C2CD5: variants seen among roughly 807,000 people sequenced by gnomAD.
The protein encoded by C2CD5 is C2 domain-containing protein 5.
A neutral mutation model predicts 130.3 loss-of-function variants in C2CD5; 109 were observed. That is an observed-to-expected ratio of 0.84 (90% CI 0.72 to 0.98). The LOEUF (loss-of-function observed/expected upper bound fraction) is 0.98, where lower values mean the gene tolerates loss of function less well. C2CD5 is among the 50% of genes least tolerant of loss of function. C2CD5 has a pLI of 0.00. For missense variants in C2CD5, 996 were observed against 1,261.8 expected (o/e 0.79, Z 3.19); for synonymous variants, 454 against 429.2 (o/e 1.06, Z -0.71).
intron 10 of C2CD5, among the ~76,000 whole-genome samples, chr12:22,497,163 G>A (rs1947123422): frequency 6.6e-6 from 1 of 152,090 alleles, no homozygotes; most frequent in African/African-American, 2.4e-5. Flanking sequence ...CTCTGGGAGA[G>A]AATAACTCTG....
chr12:22,505,254 C>CTTTTT (rs371726014), intron 10 of C2CD5, among the ~76,000 whole-genome samples: 62 of 106,312 alleles, frequency 5.8e-4, no homozygotes, highest in East Asian at 7.8e-4. Flanking sequence ...TTCTTTCTTT[C>CTTTTT]TTTTTTTTTT....
chr12:22,530,440 T>C (rs987645242), intron 3 of C2CD5, among the ~76,000 whole-genome samples: 1 of 151,378 alleles, frequency 6.6e-6, no homozygotes, highest in Admixed American at 6.6e-5. Context: ...GGAAGACTAG[T>C]CAAAACAGTA....
chr12:22,459,422 A>G (rs899552021), intron 23 of C2CD5, 70 bp downstream of exon 23: 14 of 1,002,352 alleles, frequency 1.4e-5, no homozygotes, highest in African/African-American at 9.6e-5. Context: ...TTCAATGTCT[A>G]TAATTTTATG....
At chr12:22,482,886 T>C (rs939036198) in intron 13 of C2CD5, 143 bp from the exon 14 acceptor site, 4 of 642,160 alleles carry the variant, frequency 6.2e-6, no homozygotes, top group Admixed American at 3.0e-5. Context: ...TAATCTGTTC[T>C]GCTTTTTGTC....
intron 12 of C2CD5, among the ~76,000 whole-genome samples, chr12:22,485,913 A>ATT (rs34893837): frequency 7.3e-5 from 11 of 151,450 alleles, no homozygotes; most frequent in Admixed American, 6.6e-4. Context: ...CATTCTCCAA[A>ATT]TTTTTTTTTG....
intron 19 of C2CD5, 136 bp downstream of exon 19, chr12:22,471,831 G>A: frequency 5.0e-6 from 3 of 596,364 alleles, no homozygotes; most frequent in Non-Finnish European, 9.0e-6. Context: ...CTCACCCGCT[G>A]ATAGAGGTAA....
intron 12 of C2CD5, 70 bp downstream of exon 12, chr12:22,490,053 A>G (rs1946142141): frequency 9.1e-7 from 1 of 1,100,262 alleles, no homozygotes; most frequent in Non-Finnish European, 1.4e-6. Flanking sequence ...AATTATCCCA[A>G]CTCTCAGAAA....
Position 22,490,205 on chromosome 12 carries a change from T to C in C2CD5, c.1276A>G (p.Ile426Val). The C allele has an allele frequency of 6.2e-7, 1 of 1,612,190 alleles. No individual in the cohort carries two copies. Among genetic ancestry groups the C allele is most frequent in the South Asian group, 1.1e-5 (1 of 91,030 alleles). Residue 426 changes from isoleucine to valine, a missense_variant, in exon 12 of 27, where the codon ATT (isoleucine) becomes GTT (valine). Around this residue, in one of 9 missense-constraint regions of C2CD5, gnomAD observed 590 missense variants for 631.4 expected, o/e 0.93. Coordinates refer to ENST00000446597, the MANE Select transcript of C2CD5 (RefSeq NM_001286176.2). Reference sequence around the variant, plus strand: ...GCCGCTGTGCCAGATGCAGATAAAATGCAGACCTCTTCACTATAAAGGAAA... The same window carrying C: ...GCCGCTGTGCCAGATGCAGATAAAACGCAGACCTCTTCACTATAAAGGAAA... ...ESTSICEEVC[I>V]LSASGTAAVL...
chr12:22,482,144 G>T (rs548941477), intron 14 of C2CD5, among the ~76,000 whole-genome samples: 3 of 152,198 alleles, frequency 2.0e-5, no homozygotes, highest in African/African-American at 7.2e-5. Context: ...ACAACTGGGG[G>T]GATGCTACTA....
intron 15 of C2CD5, among the ~76,000 whole-genome samples, chr12:22,476,473 T>C (rs1010471605): frequency 6.6e-6 from 1 of 152,118 alleles, no homozygotes. Context: ...ATGAAATTCA[T>C]ATATGTTAAA....
intron 8 of C2CD5, among the ~76,000 whole-genome samples, chr12:22,517,612 T>C (rs1051033716): frequency 5.3e-5 from 8 of 152,272 alleles, no homozygotes; most frequent in African/African-American, 1.7e-4. Context: ...TATTCACTAA[T>C]AGGCAGAAAT....
At chr12:22,493,372 A>G (rs1427443362) in intron 10 of C2CD5, 35 bp from the exon 11 acceptor site, 2 of 1,047,078 alleles carry the variant, frequency 1.9e-6, no homozygotes, top group African/African-American at 1.6e-5. Flanking sequence ...TTATTACTCA[A>G]TAGCACATTA....
chr12:22,473,839 T>C (rs897331262), intron 16 of C2CD5, among the ~76,000 whole-genome samples: 1 of 152,178 alleles, frequency 6.6e-6, no homozygotes, highest in Admixed American at 6.6e-5. Flanking sequence ...AATAGTACCC[T>C]GGAACTTTTA....
chr12:22,525,786 TAATGATTTTAAA>T, intron 4 of C2CD5, 81 bp from the exon 5 acceptor site: 1 of 755,630 alleles, frequency 1.3e-6, no homozygotes, highest in Non-Finnish European at 2.3e-6. Flanking sequence ...TAATGCTAAA[TAATGATTTTAAA>T]ATACAATGAT....
At chr12:22,490,795 C>T (rs1189700354) in intron 11 of C2CD5, among the ~76,000 whole-genome samples, 1 of 151,958 alleles carries the variant, frequency 6.6e-6, no homozygotes, top group Non-Finnish European at 1.5e-5. Context: ...TTATATGTCA[C>T]CCAATTTGAA....
chr12:22,473,126 T>A (rs1591990277), intron 16 of C2CD5, among the ~76,000 whole-genome samples: 1 of 152,182 alleles, frequency 6.6e-6, no homozygotes, highest in East Asian at 1.9e-4. Context: ...TAATAAAGTG[T>A]AATGAGATCC....
chr12:22,520,842 A>G (rs1277170610), intron 7 of C2CD5, among the ~76,000 whole-genome samples: 4 of 152,136 alleles, frequency 2.6e-5, no homozygotes, highest in African/African-American at 4.8e-5. Context: ...TCAAAAAGAA[A>G]AAAACTTAGG....
intron 22 of C2CD5, among the ~76,000 whole-genome samples, chr12:22,463,162 G>A (rs1165008019): frequency 3.3e-5 from 5 of 151,930 alleles, no homozygotes; most frequent in African/African-American, 7.3e-5. Context: ...CAAGGCAGGC[G>A]GATCACTTGA....
chr12:22,493,340 G>GA lies in C2CD5; in HGVS notation c.1148-4dup. Reference sequence around the variant, plus strand: ...TGCATCTCGAGTTTCTGGTTCATCTGAAAAATAAATTTTAAATCAGTTTAT... The same window carrying GA: ...TGCATCTCGAGTTTCTGGTTCATCTGAAAAAATAAATTTTAAATCAGTTTAT... On this transcript the variant is annotated splice_polypyrimidine_tract_variant and splice_region_variant and intron_variant, in intron 10 of 26. Transcript: ENST00000446597. The GA allele has an allele frequency of 6.4e-7, 1 of 1,563,694 alleles. No individual in the cohort carries two copies. Among genetic ancestry groups the GA allele is most frequent in the Non-Finnish European group, 8.8e-7 (1 of 1,137,910 alleles).
Sources: gnomAD v4.1 joint callset for allele counts (sites outside exome capture counted in the v4.1 genomes callset) on GRCh38, gnomAD v4.1.1 for gene constraint, gnomAD v4.1.1 regional missense constraint, MANE v1.5 for transcripts, NCBI Gene and HGNC (gene_info 2026-07-23, HGNC 2026-07-21) for gene names.